CCDC192: variants seen among roughly 807,000 people sequenced by gnomAD.
The protein encoded by CCDC192 is coiled-coil domain containing 192.
chr5:127,931,427 T>C (rs1754027059), intron 6 of CCDC192, among the ~76,000 whole-genome samples: 1 of 152,196 alleles, frequency 6.6e-6, no homozygotes, highest in African/African-American at 2.4e-5. Flanking sequence ...CATGGATGCA[T>C]TCAATCAGCT....
At chr5:127,714,001 ATCT>A (rs1275499332) in intron 2 of CCDC192, among the ~76,000 whole-genome samples, 16 of 152,044 alleles carry the variant, frequency 1.1e-4, no homozygotes, top group Non-Finnish European at 1.5e-4. Context: ...CATCTCCCTA[ATCT>A]TCTTCAGCCT....
Position 127,911,634 on chromosome 5 carries a change from T to C in CCDC192, c.536-29548T>C, listed in dbSNP as rs185308537. Among the ~76,000 whole-genome samples, 22 of 151,942 alleles carry C rather than the reference T, an allele frequency of 1.4e-4. No individual in the cohort carries two copies. In the East Asian group the frequency reaches 1.9e-3, roughly 13 times the overall value. ...GGTACAGTAAACTTACTAAACAATG[T>C]ACAGTAAACTTGAAAAAGGGAGTGA... On this transcript the variant is annotated intron_variant, in intron 6 of 6. Coordinates refer to ENST00000514853, the MANE Select transcript of CCDC192 (RefSeq NM_001317938.2).
chr5:127,857,751 T>C (rs916860362), intron 5 of CCDC192: 1 of 152,202 alleles, frequency 6.6e-6, no homozygotes, highest in Non-Finnish European at 1.5e-5. Flanking sequence ...CAGGGTTTCT[T>C]AGGTTGCTTT....
intron 2 of CCDC192, among the ~76,000 whole-genome samples, chr5:127,739,242 G>A (rs1317983860): frequency 7.9e-5 from 12 of 152,148 alleles, no homozygotes; most frequent in African/African-American, 1.9e-4. Context: ...TAGGCTGCCC[G>A]GGGGTCAGGG....
chr5:127,858,366 A>G (rs1751195860), intron 5 of CCDC192, among the ~76,000 whole-genome samples: 1 of 152,134 alleles, frequency 6.6e-6, no homozygotes, highest in Admixed American at 6.6e-5. Context: ...CCTCTGCCTT[A>G]ATGCTCTTTT....
chr5:127,794,186 A>G (rs1205773053), intron 3 of CCDC192, among the ~76,000 whole-genome samples: 1 of 152,178 alleles, frequency 6.6e-6, no homozygotes, highest in African/African-American at 2.4e-5. Context: ...CCAGGCTCTG[A>G]TTAGTTTATG....
intron 2 of CCDC192, among the ~76,000 whole-genome samples, chr5:127,723,975 C>T (rs1055373428): frequency 6.6e-6 from 1 of 152,182 alleles, no homozygotes; most frequent in Non-Finnish European, 1.5e-5. Context: ...GGTGTACTAT[C>T]TGTACTTAGG....
intron 6 of CCDC192, among the ~76,000 whole-genome samples, chr5:127,911,347 T>C (rs1753340496): frequency 6.6e-6 from 1 of 152,218 alleles, no homozygotes; most frequent in Non-Finnish European, 1.5e-5. Context: ...GGTGTTATGA[T>C]GGCTGAAGAG....
At chr5:127,752,635 C>T (rs1294868344) in intron 2 of CCDC192, among the ~76,000 whole-genome samples, 5 of 152,364 alleles carry the variant, frequency 3.3e-5, no homozygotes, top group Admixed American at 6.5e-5. Flanking sequence ...CTGTGGTGGG[C>T]TCCACCCAGT....
chr5:127,850,498 A>G (rs890643110), intron 5 of CCDC192, among the ~76,000 whole-genome samples: 1 of 152,182 alleles, frequency 6.6e-6, no homozygotes, highest in Non-Finnish European at 1.5e-5. Context: ...TCTCCATTCT[A>G]TAGGTCTTCA....
At chr5:127,716,978 A>G (rs779923026) in intron 2 of CCDC192, among the ~76,000 whole-genome samples, 3 of 152,230 alleles carry the variant, frequency 2.0e-5, no homozygotes, top group Non-Finnish European at 4.4e-5. Flanking sequence ...CACAAATATC[A>G]GAATAAATCA....
intron 3 of CCDC192, among the ~76,000 whole-genome samples, chr5:127,779,445 G>T (rs781368493): frequency 6.6e-6 from 1 of 151,918 alleles, no homozygotes; most frequent in Non-Finnish European, 1.5e-5. Flanking sequence ...ACAGGTGCCC[G>T]CCACCACGCC....
chr5:127,856,061 A>G (rs1751075860), intron 5 of CCDC192, among the ~76,000 whole-genome samples: 1 of 152,170 alleles, frequency 6.6e-6, no homozygotes. Context: ...CCAGGCATTG[A>G]TTTCTCCTTT....
chr5:127,926,038 A>C (rs992473271), intron 6 of CCDC192, among the ~76,000 whole-genome samples: 2 of 152,152 alleles, frequency 1.3e-5, no homozygotes, highest in African/African-American at 2.4e-5. Context: ...AGACAAAAAA[A>C]GGGAAATGGG....
At chr5:127,756,062 G>C (rs1754569126) in intron 3 of CCDC192, among the ~76,000 whole-genome samples, 2 of 152,154 alleles carry the variant, frequency 1.3e-5, no homozygotes, top group Admixed American at 1.3e-4. Context: ...GAACCCGGGA[G>C]GCGGAGCTTG....
At chr5:127,871,056 G>GA (rs1210754213) in intron 5 of CCDC192, among the ~76,000 whole-genome samples, 1 of 152,232 alleles carries the variant, frequency 6.6e-6, no homozygotes, top group Non-Finnish European at 1.5e-5. Flanking sequence ...AAAGTGGGAG[G>GA]AAGCTCTGCC....
intron 2 of CCDC192, among the ~76,000 whole-genome samples, chr5:127,709,620 G>A (rs1017176617): frequency 5.3e-5 from 8 of 152,158 alleles, no homozygotes; most frequent in Non-Finnish European, 1.2e-4. Flanking sequence ...ATAATTTTCA[G>A]AAAGAGTGTT....
At chr5:127,758,792 T>C (rs1280280043) in intron 3 of CCDC192, among the ~76,000 whole-genome samples, 1 of 152,232 alleles carries the variant, frequency 6.6e-6, no homozygotes, top group African/African-American at 2.4e-5. Context: ...AGTTTTTTCA[T>C]GTGTGCTGGC....
chr5:127,730,164 A>G (rs1752562332), intron 2 of CCDC192, among the ~76,000 whole-genome samples: 1 of 152,154 alleles, frequency 6.6e-6, no homozygotes, highest in Non-Finnish European at 1.5e-5. Context: ...AATCAAATAG[A>G]CACAATATAA....
Sources: allele counts gnomAD v4.1 joint callset (sites outside exome capture counted in the v4.1 genomes callset), GRCh38; gene constraint gnomAD v4.1.1; transcripts MANE v1.5; gene names NCBI Gene and HGNC (gene_info 2026-07-23, HGNC 2026-07-21).